Variants in SEC62 observed in about 807,000 individuals in gnomAD.
The protein encoded by SEC62 is translocation protein SEC62.
Under a neutral mutation model 47.5 loss-of-function variants are expected in SEC62, and 10 were observed. The ratio of observed to expected loss-of-function variants is 0.21; its 90% confidence interval spans 0.13 to 0.36. The LOEUF (loss-of-function observed/expected upper bound fraction) is 0.36, where lower values mean the gene tolerates loss of function less well. Among genes scored for constraint, SEC62 ranks in the 10% least tolerant of loss-of-function variants. The probability of loss-of-function intolerance (pLI) is 1.00; values close to 1 mark genes in which losing one functional copy is unlikely to be tolerated. For synonymous variants in SEC62, 136 were observed against 150.5 expected, an observed-to-expected ratio of 0.90 and a Z score of 0.71; for missense variants, 327 against 464.1, an observed-to-expected ratio of 0.70 and a Z score of 2.71.
At chr3:169,981,561 T>C (rs566323170) in intron 3 of SEC62, among the ~76,000 whole-genome samples, 54 of 152,244 alleles carry the variant, frequency 3.5e-4, no homozygotes, top group African/African-American at 1.3e-3. Flanking sequence ...TTGTGGCAAT[T>C]AGACATTATC....
In SEC62 at chr3:169,985,260, A is replaced by G. The variant is rs145709900; in HGVS notation, c.550-545A>G. On this transcript the variant is annotated intron_variant, in intron 5 of 7. Coordinates refer to ENST00000337002, the MANE Select transcript of SEC62 (RefSeq NM_003262.4). Reference sequence around the variant, plus strand: ...ACATGGAACAATTTTTTTTTCCCCCAAGACAGAGTCTTGCTCTGTCGCCCA... The same window carrying G: ...ACATGGAACAATTTTTTTTTCCCCCGAGACAGAGTCTTGCTCTGTCGCCCA... The G allele has an allele frequency of 3.9e-5, 6 of 152,238 alleles. No homozygotes were observed. In the East Asian group the frequency reaches 1.2e-3, roughly 29 times the overall value. 9.4% of individuals were successfully genotyped at this position (152,238 alleles called of 1,614,324 possible).
intron 1 of SEC62, among the ~76,000 whole-genome samples, chr3:169,967,427 C>G (rs1420720315): frequency 6.6e-6 from 1 of 152,164 alleles, no homozygotes; most frequent in South Asian, 2.1e-4. Context: ...TTGCGTTGCC[C>G]TTCTTTCCCT....
chr3:169,990,248 C>T (rs1715212561), intron 7 of SEC62, among the ~76,000 whole-genome samples: 1 of 151,656 alleles, frequency 6.6e-6, no homozygotes, highest in South Asian at 2.1e-4. Flanking sequence ...ACTATAGGAG[C>T]ATGTTGCCAT....
rs571376082 is a variant in SEC62 at position 169,969,320 on chromosome 3, T to A, written c.36+2462T>A. 1.7e-3 allele frequency: 777 copies of A among 456,678 alleles called. 6 individuals carry two copies. The highest frequency in any genetic ancestry group is 0.012 in the South Asian group (753 of 64,564). 28.3% of individuals were successfully genotyped at this position (456,678 alleles called of 1,614,324 possible). On this transcript the variant is annotated intron_variant, in intron 1 of 7. Coordinates refer to ENST00000337002, the MANE Select transcript of SEC62 (RefSeq NM_003262.4). ...CAGATTCTCGTGTCCCATCGAAGTT[T>A]CTAGCAAGAGGACTGTTGTCACATT...
chr3:169,975,625 T>G lies in SEC62; in HGVS notation c.54T>G (p.Ser18=). 1 of 1,612,856 alleles carries G rather than the reference T, an allele frequency of 6.2e-7. No homozygotes were observed. The part of the protein sequence containing the change: ...KKRIQEVGEP[S]KEEKAVAKYL... ...TGTTGCAGGAAGTTGGTGAACCATCTAAAGAAGAGAAGGCTGTGGCCAAGT... is the reference window on the plus strand; with the variant it reads ...TGTTGCAGGAAGTTGGTGAACCATCGAAAGAAGAGAAGGCTGTGGCCAAGT... Residue 18 remains serine, a synonymous_variant, in exon 2 of 8, where the codon TCT becomes TCG. Transcript: ENST00000337002.
Position 169,974,430 on chromosome 3 carries a change from G to A in SEC62, c.37-1178G>A, listed in dbSNP as rs1559964261. Among the ~76,000 whole-genome samples, 6 of 152,164 alleles carry A rather than the reference G, an allele frequency of 3.9e-5. No homozygotes were observed. In the South Asian group the frequency reaches 1.2e-3, roughly 31 times the overall value. On this transcript the variant is annotated intron_variant, in intron 1 of 7. Coordinates refer to ENST00000337002, the MANE Select transcript of SEC62 (RefSeq NM_003262.4). ...AGACTGCCTTCATTTTCTTCAGTAC[G>A]TGAGTAGGGAAAATAAATTCACAGG...
intron 1 of SEC62, among the ~76,000 whole-genome samples, chr3:169,975,126 C>T (rs180868496): frequency 6.6e-6 from 1 of 151,944 alleles, no homozygotes; most frequent in Non-Finnish European, 1.5e-5. Flanking sequence ...ACTAAAAATA[C>T]AAAAATTAGC....
At chr3:169,991,767 C>T (rs1214519850) in intron 7 of SEC62, among the ~76,000 whole-genome samples, 1 of 152,110 alleles carries the variant, frequency 6.6e-6, no homozygotes, top group South Asian at 2.1e-4. Context: ...GTTCCTTATC[C>T]AGGGCTAATT....
chr3:169,979,487 T>A (rs1714921147), intron 3 of SEC62, among the ~76,000 whole-genome samples: 1 of 152,232 alleles, frequency 6.6e-6, no homozygotes, highest in Non-Finnish European at 1.5e-5. Context: ...CATACTAGGT[T>A]AAGTCTCCAC....
intron 1 of SEC62, among the ~76,000 whole-genome samples, chr3:169,973,000 A>G (rs747555341): frequency 5.3e-5 from 8 of 152,198 alleles, no homozygotes; most frequent in Non-Finnish European, 8.8e-5. Flanking sequence ...GATGTATCAG[A>G]TGAGGAAAAA....
At chr3:169,969,262 A>G in intron 1 of SEC62, 2 of 453,934 alleles carry the variant, frequency 4.4e-6, no homozygotes, top group South Asian at 1.6e-5. Context: ...AAAAGTAGCT[A>G]ATTTGCTTTT....
In SEC62 at chr3:169,994,845, T is replaced by C. The variant is rs934891577; in HGVS notation, c.*1782T>C. 5 of 152,150 alleles carry C rather than the reference T, an allele frequency of 3.3e-5. No individual in the cohort carries two copies. 9.4% of individuals were successfully genotyped at this position (152,150 alleles called of 1,614,324 possible). Reference sequence around the variant, plus strand: ...ATATTCATCCTGAAATTTTTTATAATATATGTAATTTGTCTAGTCTTAAAG... The same window carrying C: ...ATATTCATCCTGAAATTTTTTATAACATATGTAATTTGTCTAGTCTTAAAG... On this transcript the variant is annotated 3_prime_UTR_variant, in exon 8 of 8. Coordinates refer to ENST00000337002, the MANE Select transcript of SEC62 (RefSeq NM_003262.4).
chr3:169,987,323 G>T (rs1435017071), intron 6 of SEC62, among the ~76,000 whole-genome samples: 1 of 152,128 alleles, frequency 6.6e-6, no homozygotes, highest in Non-Finnish European at 1.5e-5. Context: ...GAAGGCTGAG[G>T]TGGGAGGATC....
intron 3 of SEC62, among the ~76,000 whole-genome samples, chr3:169,981,221 A>G (rs1251346481): frequency 6.6e-6 from 1 of 152,234 alleles, no homozygotes; most frequent in Non-Finnish European, 1.5e-5. Flanking sequence ...AATCATATTT[A>G]CATAATTTAA....
At chr3:169,991,876 A>G (rs188814268) in intron 7 of SEC62, among the ~76,000 whole-genome samples, 1 of 152,324 alleles carries the variant, frequency 6.6e-6, no homozygotes, top group African/African-American at 2.4e-5. Flanking sequence ...AGAAGTAGTA[A>G]TGTATATACA....
intron 1 of SEC62, among the ~76,000 whole-genome samples, chr3:169,971,711 G>A (rs778577625): frequency 2.0e-5 from 3 of 152,114 alleles, no homozygotes; most frequent in African/African-American, 4.8e-5. Flanking sequence ...TCCCTATTGC[G>A]TAATATGTAA....
At position 169,994,683 on chromosome 3, in the gene SEC62, G is replaced by C. The variant is rs1715333102; in HGVS notation, c.*1620G>C. ...CTCTACTACTTCATTTCCACAGTAA[G>C]CATATATATAATGATCACTTCTGAG... On this transcript the variant is annotated 3_prime_UTR_variant, in exon 8 of 8. Transcript: ENST00000337002. 1 of 152,024 alleles carries C rather than the reference G, an allele frequency of 6.6e-6. No individual in the cohort carries two copies. The highest frequency in any genetic ancestry group is 1.5e-5 in the Non-Finnish European group (1 of 67,988). The allele number at this position is 152,024 out of a possible 1,614,324, so 9.4% of individuals were successfully genotyped here.
rs73043945 is a variant in SEC62, at chr3:169,986,140, A to G, written c.610+275A>G. Reference sequence around the variant, plus strand: ...CAATCATCATGAGTGATACTTAATCACACTCATATACAAATTAAAGCTGTA... The same window carrying G: ...CAATCATCATGAGTGATACTTAATCGCACTCATATACAAATTAAAGCTGTA... On this transcript the variant is annotated intron_variant, in intron 6 of 7. Transcript: ENST00000337002. Among the ~76,000 whole-genome samples, 659 of 152,320 alleles carry G rather than the reference A, an allele frequency of 4.3e-3. 5 individuals are homozygous for G. The highest frequency in any genetic ancestry group is 0.015 in the African/African-American group (622 of 41,574).
chr3:169,998,133 C>T lies in SEC62; in HGVS notation c.*5070C>T, dbSNP rs539657657. ...GTTCATGTATCTTCTGAATTCTATC[C>T]GTGAATCCCTTAGAGGTCTGTGAAT... On this transcript the variant is annotated 3_prime_UTR_variant, in exon 8 of 8. Coordinates refer to ENST00000337002, the MANE Select transcript of SEC62 (RefSeq NM_003262.4). The T allele has an allele frequency of 1.2e-4, 19 of 152,216 alleles. No individual in the cohort carries two copies. The highest frequency in any genetic ancestry group is 3.6e-4 in the African/African-American group (15 of 41,536). The allele number at this position is 152,216 out of a possible 1,614,324, so 9.4% of individuals were successfully genotyped here.
Sources: gnomAD v4.1 joint callset for allele counts (sites outside exome capture counted in the v4.1 genomes callset) on GRCh38, gnomAD v4.1.1 for gene constraint, MANE v1.5 for transcripts, NCBI Gene and HGNC (gene_info 2026-07-23, HGNC 2026-07-21) for gene names.